Variants in DRC8 observed in about 807,000 individuals in gnomAD.
DRC8 encodes dynein regulatory complex protein 8.
At chr1:245,118,297 G>A in the DRC8 span, among the ~76,000 whole-genome samples, 1 of 152,192 alleles carries the variant, frequency 6.6e-6, no homozygotes, top group South Asian at 2.1e-4. Context: ...AAGGACAGAA[G>A]AGTAGCCAAG....
At chr1:245,072,687 G>A in the DRC8 span, among the ~76,000 whole-genome samples, 4 of 152,234 alleles carry the variant, frequency 2.6e-5, no homozygotes, top group African/African-American at 9.6e-5. Flanking sequence ...ATGTTAAAAT[G>A]TAATCCTCGG....
the DRC8 span, among the ~76,000 whole-genome samples, chr1:245,063,884 G>A: frequency 5.3e-5 from 8 of 152,188 alleles, no homozygotes; most frequent in East Asian, 5.8e-4. Context: ...CACCACACCC[G>A]GCTAATTTTT....
the DRC8 span, among the ~76,000 whole-genome samples, chr1:245,004,222 G>C: frequency 6.6e-6 from 1 of 151,484 alleles, no homozygotes. Flanking sequence ...GCTTTGGATT[G>C]ATTTTTTTTT....
the DRC8 span, among the ~76,000 whole-genome samples, chr1:245,102,351 T>TTTAC: frequency 1.3e-5 from 2 of 151,608 alleles, no homozygotes; most frequent in Non-Finnish European, 2.9e-5. Flanking sequence ...TATTTATTTA[T>TTTAC]TTATTTATTT....
the DRC8 span, among the ~76,000 whole-genome samples, chr1:244,987,025 G>C: frequency 1.3e-5 from 2 of 152,108 alleles, no homozygotes; most frequent in South Asian, 4.1e-4. Context: ...TGCCTCCGTA[G>C]GGCTGTCTGT....
the DRC8 span, among the ~76,000 whole-genome samples, chr1:245,079,823 C>T: frequency 6.6e-6 from 1 of 152,292 alleles, no homozygotes; most frequent in East Asian, 1.9e-4. Context: ...GAGATAACCT[C>T]GTAGGATTGC....
chr1:245,001,121 A>G, the DRC8 span, among the ~76,000 whole-genome samples: 8 of 152,346 alleles, frequency 5.3e-5, no homozygotes, highest in African/African-American at 1.4e-4. Flanking sequence ...ACATACATAC[A>G]TAGTATATGT....
chr1:244,993,944 AT>A, the DRC8 span, among the ~76,000 whole-genome samples: 36,265 of 150,064 alleles, frequency 0.24, 5,052 homozygotes, highest in African/African-American at 0.39. Context: ...TTGGGGATAC[AT>A]TTTTTTTTTG....
the DRC8 span, among the ~76,000 whole-genome samples, chr1:245,035,879 AAAG>A: frequency 2.6e-4 from 40 of 151,764 alleles, no homozygotes; most frequent in Non-Finnish European, 4.6e-4. Context: ...AAAAAAAAAA[AAAG>A]AAGAAGAAGA....
chr1:245,117,885 C>T, the DRC8 span, among the ~76,000 whole-genome samples: 16 of 152,082 alleles, frequency 1.1e-4, no homozygotes, highest in African/African-American at 3.9e-4. Context: ...ATGAGACTTG[C>T]TTGAACCCAG....
chr1:245,114,054 C>T, the DRC8 span, among the ~76,000 whole-genome samples: 1 of 152,226 alleles, frequency 6.6e-6, no homozygotes, highest in African/African-American at 2.4e-5. Flanking sequence ...GGAAGCAATT[C>T]ATTTTAAAAG....
the DRC8 span, among the ~76,000 whole-genome samples, chr1:244,999,870 G>T: frequency 6.6e-6 from 1 of 152,134 alleles, no homozygotes; most frequent in African/African-American, 2.4e-5. Context: ...GGAGTGCAGT[G>T]GTGCAATCTT....
chr1:245,110,839 G>A, the DRC8 span, among the ~76,000 whole-genome samples: 3 of 152,136 alleles, frequency 2.0e-5, no homozygotes, highest in African/African-American at 7.2e-5. Flanking sequence ...TTCCTTAAAG[G>A]GCTTCTGCAT....
the DRC8 span, among the ~76,000 whole-genome samples, chr1:245,097,954 C>T: frequency 3.9e-5 from 6 of 152,048 alleles, no homozygotes; most frequent in African/African-American, 1.4e-4. This position sits in a 1 kb window ranked among gnomAD's most constrained non-coding sequence, Gnocchi z 5.0. Context: ...GCCTTGTGGG[C>T]CAGGAAAGGA....
chr1:245,043,158 G>A, the DRC8 span, among the ~76,000 whole-genome samples: 5,277 of 152,212 alleles, frequency 0.035, 323 homozygotes, highest in African/African-American at 0.12. Flanking sequence ...TTGACTGAGT[G>A]CGGTGGCTCA....
At chr1:244,990,565 C>G in the DRC8 span, among the ~76,000 whole-genome samples, 1 of 152,160 alleles carries the variant, frequency 6.6e-6, no homozygotes, top group East Asian at 1.9e-4. Flanking sequence ...CATTTTGTTG[C>G]TCAAATTGTT....
the DRC8 span, among the ~76,000 whole-genome samples, chr1:245,029,340 C>T: frequency 6.6e-6 from 1 of 152,208 alleles, no homozygotes; most frequent in Non-Finnish European, 1.5e-5. Flanking sequence ...CTCTGTCACC[C>T]AGGCTGGAGT....
the DRC8 span, chr1:245,087,111 C>A: frequency 7.6e-7 from 1 of 1,311,438 alleles, no homozygotes; most frequent in Non-Finnish European, 1.0e-6. Context: ...GATGTCCTGG[C>A]TCTACAGCTC....
chr1:245,103,908 A>C, the DRC8 span, among the ~76,000 whole-genome samples: 1 of 152,214 alleles, frequency 6.6e-6, no homozygotes, highest in Non-Finnish European at 1.5e-5. Context: ...AAAATCTGTA[A>C]ACAAGATCCT....
Sources: gnomAD v4.1 joint callset for allele counts (sites outside exome capture counted in the v4.1 genomes callset) on GRCh38, gnomAD v4.1.1 for gene constraint, Gnocchi (gnomAD v3.1) non-coding constraint, MANE v1.5 for transcripts, NCBI Gene and HGNC (gene_info 2026-07-23, HGNC 2026-07-21) for gene names.